The following CDH12 variants were observed in gnomAD, a reference collection of about 807,000 sequenced individuals.
CDH12 encodes the protein cadherin-12.
A neutral mutation model predicts 74.1 loss-of-function variants in CDH12; 41 were observed. The observed-to-expected ratio is 0.55, with a 90% CI of 0.43 to 0.72. CDH12 has a LOEUF of 0.72. Among genes scored for constraint, CDH12 ranks in the 30% least tolerant of loss-of-function variants. The pLI, the probability that CDH12 is intolerant of heterozygous loss-of-function variation, is 0.00. For synonymous variants in CDH12, 399 were observed against 355.0 expected, an observed-to-expected ratio of 1.12 and a Z score of -1.39; for missense variants, 945 against 977.2, an observed-to-expected ratio of 0.97 and a Z score of 0.44.
At chr5:21,978,703 A>G (rs1023905949) in intron 5 of CDH12, among the ~76,000 whole-genome samples, 3 of 152,120 alleles carry the variant, frequency 2.0e-5, no homozygotes, top group South Asian at 2.1e-4. Flanking sequence ...GAATGATCCA[A>G]TGGGCACTCT....
At chr5:22,271,244 G>T (rs1323466643) in intron 3 of CDH12, among the ~76,000 whole-genome samples, 2 of 152,146 alleles carry the variant, frequency 1.3e-5, no homozygotes, top group Non-Finnish European at 2.9e-5. Context: ...TTCACCAGGA[G>T]TAGATTCTAG....
chr5:22,066,368 G>C (rs982762316), intron 5 of CDH12, among the ~76,000 whole-genome samples: 1 of 152,084 alleles, frequency 6.6e-6, no homozygotes, highest in Non-Finnish European at 1.5e-5. Context: ...CAGGGTGACT[G>C]TACTTTGGGG....
intron 1 of CDH12, among the ~76,000 whole-genome samples, chr5:22,817,451 T>C (rs1367795563): frequency 6.6e-6 from 1 of 152,114 alleles, no homozygotes; most frequent in African/African-American, 2.4e-5. Flanking sequence ...AATTAAAACA[T>C]CTGTTGATTA....
chr5:22,097,697 C>T (rs1391998217), intron 4 of CDH12, among the ~76,000 whole-genome samples: 1 of 152,064 alleles, frequency 6.6e-6, no homozygotes, highest in Middle Eastern at 3.2e-3. Flanking sequence ...GCCTCCTTCA[C>T]ATCCTCCCCT....
chr5:22,702,011 T>G lies in CDH12; in HGVS notation c.-523+151047A>C, dbSNP rs548806709. Among the ~76,000 whole-genome samples the G allele has an allele frequency of 2.6e-5, 4 of 152,306 alleles. No homozygotes were observed. The East Asian group carries it at 7.7e-4, about 29-fold the overall frequency. On this transcript the variant is annotated intron_variant, in intron 1 of 14. Coordinates refer to ENST00000382254, the MANE Select transcript of CDH12 (RefSeq NM_004061.5). ...TTATTACCTGTTCAAAACCCAAGAC[T>G]AAACACAAGACTTCCAGCTACTTGA...
At chr5:21,908,443 C>T (rs1222351144) in intron 6 of CDH12, among the ~76,000 whole-genome samples, 1 of 152,156 alleles carries the variant, frequency 6.6e-6, no homozygotes, top group Non-Finnish European at 1.5e-5. Flanking sequence ...TGCTTGGCTG[C>T]CCTGCATGGG....
intron 5 of CDH12, among the ~76,000 whole-genome samples, chr5:21,975,633 T>C (rs1258646889): frequency 2.0e-5 from 3 of 152,254 alleles, no homozygotes; most frequent in East Asian, 3.9e-4. Context: ...ATCCAAACAT[T>C]CCTCCATTCG....
intron 9 of CDH12, among the ~76,000 whole-genome samples, chr5:21,813,774 C>T (rs542499960): frequency 6.6e-6 from 1 of 152,136 alleles, no homozygotes; most frequent in Non-Finnish European, 1.5e-5. Flanking sequence ...CTCATATTCC[C>T]TTCTAATACA....
At chr5:21,995,922 C>G (rs987080270) in intron 5 of CDH12, among the ~76,000 whole-genome samples, 15 of 151,944 alleles carry the variant, frequency 9.9e-5, no homozygotes, top group African/African-American at 3.4e-4. Context: ...GCTATGCTTA[C>G]AGATATAAAA....
chr5:22,287,272 C>T (rs777012133), intron 3 of CDH12, among the ~76,000 whole-genome samples: 34 of 151,846 alleles, frequency 2.2e-4, no homozygotes, highest in Non-Finnish European at 4.1e-4. Context: ...GAGAGGAATG[C>T]GAAATAATAT....
chr5:21,772,151 C>T (rs1408351318), intron 11 of CDH12, among the ~76,000 whole-genome samples: 2 of 152,074 alleles, frequency 1.3e-5, no homozygotes, highest in Admixed American at 6.6e-5. Context: ...TTTTGGTTTA[C>T]ACTGTAACCA....
intron 1 of CDH12, among the ~76,000 whole-genome samples, chr5:22,847,877 TTTC>T (rs1737378063): frequency 7.4e-6 from 1 of 134,812 alleles, no homozygotes; most frequent in Admixed American, 8.4e-5. Context: ...ATTCTTTTTT[TTTC>T]TTTCTTTCTT....
intron 1 of CDH12, among the ~76,000 whole-genome samples, chr5:22,760,204 G>T (rs2127053603): frequency 6.6e-6 from 1 of 152,250 alleles, no homozygotes; most frequent in African/African-American, 2.4e-5. Flanking sequence ...GTTGACAGCT[G>T]ACATGTTTCT....
At chr5:22,510,325 G>T (rs1299238731) in intron 1 of CDH12, among the ~76,000 whole-genome samples, 1 of 151,978 alleles carries the variant, frequency 6.6e-6, no homozygotes, top group African/African-American at 2.4e-5. Flanking sequence ...AATAGACTTT[G>T]TTGGAAACAT....
intron 1 of CDH12, among the ~76,000 whole-genome samples, chr5:22,618,671 G>A (rs1396633824): frequency 6.6e-6 from 1 of 152,062 alleles, no homozygotes; most frequent in Non-Finnish European, 1.5e-5. Context: ...TTATTCAAAG[G>A]TGTGTTTTAA....
chr5:22,820,719 C>A (rs918685571), intron 1 of CDH12, among the ~76,000 whole-genome samples: 7 of 152,046 alleles, frequency 4.6e-5, no homozygotes, highest in African/African-American at 1.7e-4. Context: ...CAATAACAGG[C>A]TCTGAAATTG....
chr5:22,184,797 C>T (rs1749840566), intron 4 of CDH12, among the ~76,000 whole-genome samples: 1 of 152,174 alleles, frequency 6.6e-6, no homozygotes. Context: ...TTCATTTCTC[C>T]ATGTGGAAAA....
At chr5:22,367,533 T>C (rs1334938861) in intron 3 of CDH12, among the ~76,000 whole-genome samples, 1 of 152,226 alleles carries the variant, frequency 6.6e-6, no homozygotes, top group African/African-American at 2.4e-5. Flanking sequence ...GTGCTGAGTC[T>C]GATGTCATGA....
chr5:22,145,837 GAGA>G (rs781055393), intron 4 of CDH12, among the ~76,000 whole-genome samples: 1 of 152,078 alleles, frequency 6.6e-6, no homozygotes, highest in Non-Finnish European at 1.5e-5. Flanking sequence ...AGTAGAGAAA[GAGA>G]AGGTCTAAGT....
Sources: allele counts gnomAD v4.1 joint callset (sites outside exome capture counted in the v4.1 genomes callset), GRCh38; gene constraint gnomAD v4.1.1; transcripts MANE v1.5; gene names NCBI Gene and HGNC (gene_info 2026-07-23, HGNC 2026-07-21).